The following UBXN4 variants were observed in gnomAD, a reference collection of about 807,000 sequenced individuals.
UBXN4 encodes UBX domain protein 4.
A neutral mutation model predicts 66.2 loss-of-function variants in UBXN4; 35 were observed. That is an observed-to-expected ratio of 0.53 (90% CI 0.40 to 0.70). UBXN4 has a LOEUF of 0.70. UBXN4 is among the 30% of genes least tolerant of loss of function. UBXN4 has a pLI of 0.00. For synonymous variants in UBXN4, 203 were observed against 204.5 expected, an observed-to-expected ratio of 0.99 and a Z score of 0.06; for missense variants, 533 against 599.8, an observed-to-expected ratio of 0.89 and a Z score of 1.16.
chr2:135,770,783 A>G (rs2077378683), intron 8 of UBXN4, 48 bp downstream of exon 8: 1 of 1,410,836 alleles, frequency 7.1e-7, no homozygotes, highest in African/African-American at 1.5e-5. Flanking sequence ...TTCTGTGCAC[A>G]GTAGCTTTAG....
At chr2:135,774,325 C>T (rs557872794) in intron 9 of UBXN4, among the ~76,000 whole-genome samples, 9 of 152,100 alleles carry the variant, frequency 5.9e-5, no homozygotes, top group Non-Finnish European at 1.2e-4. Context: ...TGAATTTGGA[C>T]CTTTACCTCA....
chr2:135,760,955 A>C (rs2077311794), intron 5 of UBXN4, among the ~76,000 whole-genome samples: 1 of 152,194 alleles, frequency 6.6e-6, no homozygotes, highest in Non-Finnish European at 1.5e-5. Context: ...AATTATTTTT[A>C]CTACTACTGT....
chr2:135,764,739 C>T (rs1343637442), intron 6 of UBXN4, among the ~76,000 whole-genome samples: 2 of 152,188 alleles, frequency 1.3e-5, no homozygotes, highest in Non-Finnish European at 2.9e-5. Context: ...CTTCTGACTT[C>T]AGGTCATCTG....
chr2:135,772,456 A>G lies in UBXN4; in HGVS notation c.859A>G (p.Lys287Glu), dbSNP rs1445687666. 5 of 1,614,020 alleles carry G rather than the reference A, an allele frequency of 3.1e-6. No homozygotes were observed. The highest frequency in any genetic ancestry group is 4.2e-6 in the Non-Finnish European group (5 of 1,179,966). Reference protein sequence around the residue: ...AERAARFAKTKEEVEAAKAAA... With the variant: ...AERAARFAKTEEEVEAAKAAA... ...GAGAGCTGCTCGTTTTGCAAAGACA[A>G]AGGAAGAAGTAGAGGCTGCCAAAGC... The change falls in exon 9 of 13, where the codon AAG becomes GAG. Residue 287 changes from lysine (K) to glutamate (E), a missense_variant. Lys to Glu is a moderately conservative substitution (Grantham distance 56). Around this residue, in one of 2 missense-constraint regions of UBXN4, gnomAD observed 529 missense variants for 580.1 expected, o/e 0.91. Coordinates refer to ENST00000272638, the MANE Select transcript of UBXN4 (RefSeq NM_014607.4).
At chr2:135,747,348 C>CAAAAAAA (rs138276089) in intron 1 of UBXN4, among the ~76,000 whole-genome samples, 2 of 83,514 alleles carry the variant, frequency 2.4e-5, no homozygotes, top group Non-Finnish European at 4.8e-5. Flanking sequence ...AACTCCATCT[C>CAAAAAAA]AAAAAAAAAA....
At chr2:135,743,513 C>T (rs1359368795) in intron 1 of UBXN4, among the ~76,000 whole-genome samples, 3 of 152,112 alleles carry the variant, frequency 2.0e-5, no homozygotes, top group Non-Finnish European at 2.9e-5. Context: ...GCACTTAGGT[C>T]AGCAGTCATA....
At chr2:135,763,353 T>G (rs2077327592) in intron 6 of UBXN4, among the ~76,000 whole-genome samples, 1 of 152,198 alleles carries the variant, frequency 6.6e-6, no homozygotes, top group Admixed American at 6.6e-5. Context: ...CTAGTTTCCC[T>G]GTCTCTCTGA....
chr2:135,778,184 A>C (rs1259191309), intron 10 of UBXN4, among the ~76,000 whole-genome samples: 1 of 149,404 alleles, frequency 6.7e-6, no homozygotes, highest in Non-Finnish European at 1.5e-5. Context: ...CAAAAAAAAA[A>C]AAAACAAAAA....
At chr2:135,749,047 A>C (rs2077226929) in intron 2 of UBXN4, among the ~76,000 whole-genome samples, 1 of 152,144 alleles carries the variant, frequency 6.6e-6, no homozygotes. Context: ...CTCAAAAAAA[A>C]AAAAAGAATG....
intron 6 of UBXN4, among the ~76,000 whole-genome samples, chr2:135,767,243 C>T (rs2105502994): frequency 6.6e-6 from 1 of 152,214 alleles, no homozygotes; most frequent in East Asian, 1.9e-4. Flanking sequence ...CATCTGTAGT[C>T]CCAGCCACTG....
At chr2:135,761,768 A>C in intron 5 of UBXN4, 50 bp from the exon 6 acceptor site, 1 of 1,423,754 alleles carries the variant, frequency 7.0e-7, no homozygotes, top group Non-Finnish European at 9.6e-7. Flanking sequence ...ATTCCTTTAA[A>C]AAGTTGCATT....
chr2:135,775,808 C>A (rs1245464992), intron 9 of UBXN4, among the ~76,000 whole-genome samples: 1 of 152,208 alleles, frequency 6.6e-6, no homozygotes, highest in African/African-American at 2.4e-5. Context: ...GCTCTATTGC[C>A]TAGGCTGGAG....
In UBXN4 at chr2:135,772,658, A is replaced by T; in HGVS notation, c.950+111A>T. 2.9e-6 allele frequency: 4 copies of T among 1,359,030 alleles called. No individual in the cohort carries two copies. The South Asian group carries it at 5.5e-5, about 19-fold the overall frequency. 84.2% of individuals were successfully genotyped at this position (1,359,030 alleles called of 1,614,324 possible). A position where few individuals can be genotyped will look rare whatever the true frequency, so the allele number is the denominator to read the frequency against. On this transcript the variant is annotated intron_variant, in intron 9 of 12. Coordinates refer to ENST00000272638, the MANE Select transcript of UBXN4 (RefSeq NM_014607.4). ...TGTGGTTATAAGCAGTCCATTCCAG[A>T]GGGACATATTAATTTGACAGCTCCC... is the stretch of plus-strand genomic sequence containing the variant.
At chr2:135,773,667 T>G (rs1039541548) in intron 9 of UBXN4, among the ~76,000 whole-genome samples, 3 of 152,230 alleles carry the variant, frequency 2.0e-5, no homozygotes, top group African/African-American at 4.8e-5. Flanking sequence ...AAAAAAAGTT[T>G]AGATTTCTAG....
At chr2:135,754,316 G>T in intron 4 of UBXN4, 39 bp downstream of exon 4, 2 of 1,516,678 alleles carry the variant, frequency 1.3e-6, no homozygotes, top group Non-Finnish European at 9.1e-7. Flanking sequence ...TAAATGGTAC[G>T]TCAGGAATTG....
At chr2:135,745,611 G>A (rs975748249) in intron 1 of UBXN4, among the ~76,000 whole-genome samples, 1 of 152,130 alleles carries the variant, frequency 6.6e-6, no homozygotes, top group Non-Finnish European at 1.5e-5. Flanking sequence ...AGAATGAATG[G>A]AAAGGATTTC....
At chr2:135,761,980 T>C in intron 6 of UBXN4, 69 bp downstream of exon 6, 1 of 1,447,532 alleles carries the variant, frequency 6.9e-7, no homozygotes, top group South Asian at 1.3e-5. Context: ...TTCATTAATT[T>C]GAATTAAAGC....
At chr2:135,776,119 CAAA>C (rs1339406224) in intron 9 of UBXN4, 127 bp from the exon 10 acceptor site, 15 of 703,236 alleles carry the variant, frequency 2.1e-5, no homozygotes. Context: ...TATTAACAAA[CAAA>C]AAGATCTGAT....
chr2:135,746,382 C>T (rs1300490753), intron 1 of UBXN4, among the ~76,000 whole-genome samples: 2 of 152,136 alleles, frequency 1.3e-5, no homozygotes, highest in African/African-American at 4.8e-5. Context: ...GGAACCAATC[C>T]TTGCCTTCAT....
Sources: gnomAD v4.1 joint callset for allele counts (sites outside exome capture counted in the v4.1 genomes callset) on GRCh38, gnomAD v4.1.1 for gene constraint, gnomAD v4.1.1 regional missense constraint, MANE v1.5 for transcripts, NCBI Gene and HGNC (gene_info 2026-07-23, HGNC 2026-07-21) for gene names.